The following MACROD2 variants were observed in gnomAD, a reference collection of about 807,000 sequenced individuals.
MACROD2 encodes mono-ADP ribosylhydrolase 2, also known as ADP-ribose glycohydrolase MACROD2.
A neutral mutation model predicts 70.4 loss-of-function variants in MACROD2; 36 were observed. That is an observed-to-expected ratio of 0.51 (90% CI 0.39 to 0.68). The LOEUF is 0.68. Among genes scored for constraint, MACROD2 ranks in the 30% least tolerant of loss-of-function variants. The pLI is 0.00. For missense variants in MACROD2, 496 were observed against 538.4 expected (o/e 0.92, Z 0.78); for synonymous variants, 172 against 178.8 (o/e 0.96, Z 0.30).
intron 3 of MACROD2, among the ~76,000 whole-genome samples, chr20:14,414,248 T>C (rs1468479945): frequency 3.3e-5 from 5 of 152,194 alleles, no homozygotes; most frequent in African/African-American, 4.8e-5. Flanking sequence ...GCTCCAAACC[T>C]GCTTGTCCTG....
intron 5 of MACROD2, among the ~76,000 whole-genome samples, chr20:14,777,761 T>A (rs1449165702): frequency 6.6e-6 from 1 of 152,102 alleles, no homozygotes; most frequent in Non-Finnish European, 1.5e-5. Flanking sequence ...TAGAAGTGTC[T>A]GACAGCTAGT....
At chr20:14,426,037 T>A (rs2083928966) in intron 3 of MACROD2, among the ~76,000 whole-genome samples, 1 of 152,186 alleles carries the variant, frequency 6.6e-6, no homozygotes, top group South Asian at 2.1e-4. Context: ...GGTACCGAAA[T>A]TTCTCTATAA....
At chr20:14,146,150 G>C (rs2054940037) in intron 3 of MACROD2, among the ~76,000 whole-genome samples, 1 of 152,040 alleles carries the variant, frequency 6.6e-6, no homozygotes, top group South Asian at 2.1e-4. Context: ...GTGAAACCCT[G>C]TCTCTACTAA....
At chr20:15,072,920 G>A (rs2075629829) in intron 5 of MACROD2, among the ~76,000 whole-genome samples, 1 of 152,098 alleles carries the variant, frequency 6.6e-6, no homozygotes, top group African/African-American at 2.4e-5. Context: ...GGTCATGGGG[G>A]CACCATCCTC....
intron 13 of MACROD2, among the ~76,000 whole-genome samples, chr20:15,979,616 T>A (rs1893424175): frequency 6.6e-6 from 1 of 152,288 alleles, no homozygotes; most frequent in East Asian, 1.9e-4. Context: ...GAATGTTTTT[T>A]AAAAAATTCC....
intron 5 of MACROD2, among the ~76,000 whole-genome samples, chr20:14,990,763 C>G (rs546620689): frequency 6.6e-6 from 1 of 152,202 alleles, no homozygotes; most frequent in Admixed American, 6.5e-5. Flanking sequence ...CTGCCCACCT[C>G]GGCCTCCCAA....
chr20:15,443,584 T>G (rs886652297), intron 7 of MACROD2, among the ~76,000 whole-genome samples: 5 of 152,164 alleles, frequency 3.3e-5, no homozygotes, highest in Non-Finnish European at 5.9e-5. Flanking sequence ...TAGATCTTCT[T>G]AAGCAATTGC....
chr20:14,680,325 A>T (rs1056341610), intron 4 of MACROD2, among the ~76,000 whole-genome samples: 5 of 152,184 alleles, frequency 3.3e-5, no homozygotes, highest in African/African-American at 1.2e-4. Flanking sequence ...TCTTAACTGT[A>T]TGTCTATAGA....
At chr20:14,202,053 G>T (rs1352737827) in intron 3 of MACROD2, among the ~76,000 whole-genome samples, 1 of 151,968 alleles carries the variant, frequency 6.6e-6, no homozygotes, top group Non-Finnish European at 1.5e-5. Context: ...CTATTTCCAA[G>T]ATGATATAAA....
At chr20:15,176,174 G>A (rs1200273752) in intron 5 of MACROD2, among the ~76,000 whole-genome samples, 1 of 152,226 alleles carries the variant, frequency 6.6e-6, no homozygotes, top group Non-Finnish European at 1.5e-5. Context: ...TGGGAGGGAA[G>A]CAAAGGAGGG....
At chr20:15,343,801 CATTT>C (rs1408045926) in intron 6 of MACROD2, among the ~76,000 whole-genome samples, 1 of 152,178 alleles carries the variant, frequency 6.6e-6, no homozygotes, top group Non-Finnish European at 1.5e-5. Context: ...CCTGTCCATG[CATTT>C]AGAGTGTGAT....
intron 3 of MACROD2, among the ~76,000 whole-genome samples, chr20:14,093,979 T>G (rs890597488): frequency 5.9e-5 from 8 of 136,036 alleles, no homozygotes; most frequent in African/African-American, 2.0e-4. Flanking sequence ...AGGGCTGAGG[T>G]TTTTTTTTTT....
intron 3 of MACROD2, among the ~76,000 whole-genome samples, chr20:14,112,203 T>C (rs1879705917): frequency 1.3e-5 from 2 of 151,896 alleles, no homozygotes; most frequent in South Asian, 4.1e-4. Context: ...GGATGGCTAC[T>C]AGAGGCTGGG....
At chr20:15,365,141 G>A (rs1034466086) in intron 6 of MACROD2, among the ~76,000 whole-genome samples, 1 of 151,816 alleles carries the variant, frequency 6.6e-6, no homozygotes, top group Admixed American at 6.6e-5. Flanking sequence ...CTGGAAAAAT[G>A]TTCTGTACTT....
At chr20:15,785,804 C>T (rs185429615) in intron 8 of MACROD2, among the ~76,000 whole-genome samples, 3 of 151,914 alleles carry the variant, frequency 2.0e-5, no homozygotes, top group Admixed American at 2.0e-4. Context: ...AAATAGCCAC[C>T]CTAACTTTAA....
intron 8 of MACROD2, among the ~76,000 whole-genome samples, chr20:15,522,878 C>A (rs2047671668): frequency 6.6e-6 from 1 of 152,070 alleles, no homozygotes; most frequent in Non-Finnish European, 1.5e-5. Context: ...TTTTATGAAA[C>A]TTTTTAAAAG....
chr20:14,996,250 G>C (rs2074948456), intron 5 of MACROD2, among the ~76,000 whole-genome samples: 1 of 152,186 alleles, frequency 6.6e-6, no homozygotes, highest in Non-Finnish European at 1.5e-5. Context: ...CCTTGGCTGT[G>C]TGGCTTTTCA....
At chr20:15,535,160 A>T (rs1175303543) in intron 8 of MACROD2, among the ~76,000 whole-genome samples, 2 of 152,062 alleles carry the variant, frequency 1.3e-5, no homozygotes, top group Non-Finnish European at 2.9e-5. Flanking sequence ...AAATTTTTGT[A>T]GAGATGGGGT....
chr20:15,467,230 GCTCCTCAGA>G (rs1191644338), intron 7 of MACROD2, among the ~76,000 whole-genome samples: 1 of 152,232 alleles, frequency 6.6e-6, no homozygotes, highest in African/African-American at 2.4e-5. Context: ...CATCTCCTTT[GCTCCTCAGA>G]CAAGCCAACT....
Sources: allele counts gnomAD v4.1 joint callset (sites outside exome capture counted in the v4.1 genomes callset), GRCh38; gene constraint gnomAD v4.1.1; transcripts MANE v1.5; gene names NCBI Gene and HGNC (gene_info 2026-07-23, HGNC 2026-07-21).